The following FAM83D variants were observed in gnomAD, a reference collection of about 807,000 sequenced individuals.
FAM83D encodes the protein scaffolding CK1 anchoring protein D, also known as protein FAM83D.
Under a neutral mutation model 25.4 loss-of-function variants are expected in FAM83D, and 26 were observed. That is an observed-to-expected ratio of 1.02 (90% CI 0.75 to 1.42). The LOEUF (loss-of-function observed/expected upper bound fraction) is 1.42, where lower values mean the gene tolerates loss of function less well. FAM83D is among the 40% of genes most tolerant of loss of function. The probability of loss-of-function intolerance (pLI) is 0.00; values close to 1 mark genes in which losing one functional copy is unlikely to be tolerated. For synonymous variants in FAM83D, 310 were observed against 318.5 expected (o/e 0.97, Z 0.28); for missense variants, 740 against 758.1 (o/e 0.98, Z 0.28).
At position 38,926,922 on chromosome 20, in the gene FAM83D, A is replaced by G. The variant is rs1329945899; in HGVS notation, c.480A>G (p.Arg160=). 3.0e-5 allele frequency: 43 copies of G among 1,451,272 alleles called. No individual in the cohort carries two copies. In the East Asian group the frequency reaches 1.1e-3, roughly 38 times the overall value. 89.9% of individuals were successfully genotyped at this position (1,451,272 alleles called of 1,614,324 possible). ...TGCGCCAGCAGCTCCGCTCGGCGCGAGAGGTGAGCGGCCCTCCAGGGCCCT... is the reference window on the plus strand; with the variant it reads ...TGCGCCAGCAGCTCCGCTCGGCGCGGGAGGTGAGCGGCCCTCCAGGGCCCT... ...DALRQQLRSA[R]EVIAVVMDVF... is the part of the protein sequence containing the mutation. The change falls in exon 1 of 4, where the codon CGA becomes CGG. Residue 160 remains arginine (R), a synonymous_variant. Transcript: ENST00000619850.
intron 1 of FAM83D, among the ~76,000 whole-genome samples, chr20:38,932,361 G>C (rs891120513): frequency 2.0e-5 from 3 of 152,210 alleles, no homozygotes; most frequent in African/African-American, 7.2e-5. Context: ...ACTCCAGCTT[G>C]GGTGACAGGG....
intron 2 of FAM83D, among the ~76,000 whole-genome samples, chr20:38,946,197 CAAAAA>C (rs56740383): frequency 1.9e-4 from 15 of 78,558 alleles, no homozygotes; most frequent in African/African-American, 2.6e-4. Context: ...GACTCCACCT[CAAAAA>C]AAAAAAAAAA....
chr20:38,949,010 A>G (rs1327165422), intron 3 of FAM83D, among the ~76,000 whole-genome samples: 1 of 152,230 alleles, frequency 6.6e-6, no homozygotes, highest in Non-Finnish European at 1.5e-5. Context: ...ATATTAACCA[A>G]ACTTAGCTAC....
intron 2 of FAM83D, among the ~76,000 whole-genome samples, chr20:38,945,784 G>C (rs2085725174): frequency 8.2e-6 from 1 of 122,230 alleles, no homozygotes; most frequent in Middle Eastern, 7.2e-3. Flanking sequence ...AAGAGATAAG[G>C]TCTCGCTATG....
At chr20:38,934,322 G>A (rs948440373) in intron 1 of FAM83D, among the ~76,000 whole-genome samples, 1 of 151,704 alleles carries the variant, frequency 6.6e-6, no homozygotes, top group Non-Finnish European at 1.5e-5. Context: ...TCTTGAACCC[G>A]GTCTCTACTA....
intron 1 of FAM83D, among the ~76,000 whole-genome samples, chr20:38,927,797 C>A (rs2085642906): frequency 6.6e-6 from 1 of 151,660 alleles, no homozygotes; most frequent in Non-Finnish European, 1.5e-5. Flanking sequence ...CCGCACCCGG[C>A]CCCCTGCCGC....
At chr20:38,944,970 C>T (rs1349630286) in intron 2 of FAM83D, among the ~76,000 whole-genome samples, 3 of 151,916 alleles carry the variant, frequency 2.0e-5, no homozygotes, top group Admixed American at 6.6e-5. Context: ...TTTCTCTGGC[C>T]TCCCCAGTTT....
At chr20:38,929,410 A>G (rs2085649936) in intron 1 of FAM83D, among the ~76,000 whole-genome samples, 1 of 152,098 alleles carries the variant, frequency 6.6e-6, no homozygotes, top group Non-Finnish European at 1.5e-5. Context: ...CCGGAGTGGC[A>G]GTGACCTCAG....
chr20:38,950,983 C>A (rs1204608304), intron 3 of FAM83D, among the ~76,000 whole-genome samples: 1 of 152,116 alleles, frequency 6.6e-6, no homozygotes, highest in African/African-American at 2.4e-5. Context: ...CCACGCCTGG[C>A]TAATTTTTTA....
intron 1 of FAM83D, among the ~76,000 whole-genome samples, chr20:38,927,826 C>A (rs2085643052): frequency 6.6e-6 from 1 of 152,208 alleles, no homozygotes; most frequent in Non-Finnish European, 1.5e-5. Flanking sequence ...CTGCCAGAGA[C>A]TGGAGGGGAA....
intron 1 of FAM83D, among the ~76,000 whole-genome samples, chr20:38,927,232 C>G: frequency 6.6e-6 from 1 of 152,156 alleles, no homozygotes; most frequent in East Asian, 1.9e-4. Context: ...ACTCTGAGTT[C>G]CAAATTTCAG....
Position 38,942,045 on chromosome 20 carries a change from G to T in FAM83D, c.570G>T (p.Val190=). Residue 190 remains valine, a synonymous_variant, in exon 2 of 4, where the codon GTG becomes GTT. Transcript: ENST00000619850. ...QEICRKQGVA[V]YILLDQALLS... is the part of the protein sequence containing the mutation. ...TATGCAGGAAACAGGGAGTTGCTGT[G>T]TATATCCTTCTGGACCAGGCTCTCC... The T allele has an allele frequency of 6.2e-7, 1 of 1,614,244 alleles. No individual in the cohort carries two copies. Among genetic ancestry groups the T allele is most frequent in the Non-Finnish European group, 8.5e-7 (1 of 1,180,032 alleles).
chr20:38,928,875 A>G (rs997499514), intron 1 of FAM83D, among the ~76,000 whole-genome samples: 1 of 152,002 alleles, frequency 6.6e-6, no homozygotes, highest in Non-Finnish European at 1.5e-5. Flanking sequence ...GTGGTACATT[A>G]CCTTTAAATC....
At position 38,926,679 on chromosome 20, in the gene FAM83D, C is replaced by T; in HGVS notation, c.237C>T (p.Gly79=). ...LRAAERPGEE[G]AAAAAAAEDS... ...CGGCGGAGAGGCCGGGAGAGGAGGG[C>T]GCGGCGGCGGCGGCGGCGGCCGAGG... Residue 79 remains glycine (G), a synonymous_variant, in exon 1 of 4, where the codon GGC becomes GGT. Coordinates refer to ENST00000619850, the MANE Select transcript of FAM83D (RefSeq NM_030919.3). The T allele has an allele frequency of 6.6e-7, 1 of 1,519,840 alleles. No homozygotes were observed. Among genetic ancestry groups the T allele is most frequent in the Non-Finnish European group, 8.8e-7 (1 of 1,139,512 alleles). The allele number at this position is 1,519,840 out of a possible 1,614,324, so 94.1% of individuals were successfully genotyped here. A position where few individuals can be genotyped will look rare whatever the true frequency, so the allele number is the denominator to read the frequency against.
At chr20:38,948,792 G>A (rs375161674) in intron 3 of FAM83D, among the ~76,000 whole-genome samples, 8 of 152,240 alleles carry the variant, frequency 5.3e-5, no homozygotes, top group South Asian at 2.1e-4. Context: ...AGGTAGAAAT[G>A]TGAAGGCTTG....
chr20:38,935,957 T>G (rs1047827495), intron 1 of FAM83D, among the ~76,000 whole-genome samples: 1 of 152,238 alleles, frequency 6.6e-6, no homozygotes, highest in African/African-American at 2.4e-5. Context: ...TATCTTTTGC[T>G]TTTTTAGCAA....
chr20:38,951,086 G>T (rs1007240970), intron 3 of FAM83D, among the ~76,000 whole-genome samples: 12 of 152,286 alleles, frequency 7.9e-5, no homozygotes, highest in Non-Finnish European at 1.3e-4. Context: ...TCCTCTCAAA[G>T]TGCTGGGATT....
At chr20:38,937,095 G>A (rs961659093) in intron 1 of FAM83D, among the ~76,000 whole-genome samples, 1 of 152,196 alleles carries the variant, frequency 6.6e-6, no homozygotes, top group African/African-American at 2.4e-5. Flanking sequence ...TCAGCAGGCC[G>A]GCCATTATGC....
rs2085735968 is a variant in FAM83D, at chr20:38,947,992, C to CT, written c.769dup (p.Ser257PhefsTer15). ...TTGATGGCATCCGCGTGGCAACAGG[C>CT]TCCTACAGGTAAGTCTCTAACCCGT... On this transcript the variant is annotated frameshift_variant, in exon 3 of 4. Coordinates refer to ENST00000619850, the MANE Select transcript of FAM83D (RefSeq NM_030919.3). LOFTEE classifies it low-confidence loss of function (END_TRUNC). The CT allele has an allele frequency of 6.2e-7, 1 of 1,614,092 alleles. No individual in the cohort carries two copies. The highest frequency in any genetic ancestry group is 8.5e-7 in the Non-Finnish European group (1 of 1,179,990).
Sources: allele counts gnomAD v4.1 joint callset (sites outside exome capture counted in the v4.1 genomes callset), GRCh38; gene constraint gnomAD v4.1.1; transcripts MANE v1.5; gene names NCBI Gene and HGNC (gene_info 2026-07-23, HGNC 2026-07-21).